GABRG1: variants seen among roughly 807,000 people sequenced by gnomAD.
GABRG1 encodes the protein gamma-aminobutyric acid receptor subunit gamma-1.
In GABRG1, 49 loss-of-function variants were observed where a neutral mutation model predicts 49.8. The observed-to-expected ratio is 0.98, with a 90% CI of 0.78 to 1.25. The LOEUF is 1.25. GABRG1 is among the 50% of genes most tolerant of loss of function. GABRG1 has a pLI of 0.00. For synonymous variants in GABRG1, 232 were observed against 185.1 expected (o/e 1.25, Z -2.06); for missense variants, 552 against 552.3 (o/e 1.00, Z 0.01).
At chr4:46,122,629 C>G (rs1479612644) in intron 1 of GABRG1, among the ~76,000 whole-genome samples, 1 of 152,022 alleles carries the variant, frequency 6.6e-6, no homozygotes, top group Non-Finnish European at 1.5e-5. Context: ...TTAATCCAAT[C>G]TCTATTTTCT....
intron 5 of GABRG1, among the ~76,000 whole-genome samples, chr4:46,061,574 T>TA (rs1718675726): frequency 6.6e-6 from 1 of 152,018 alleles, no homozygotes; most frequent in Non-Finnish European, 1.5e-5. Flanking sequence ...AATACTTTTA[T>TA]AAAAATACAT....
At chr4:46,076,218 GTGTT>G (rs1383247039) in intron 3 of GABRG1, among the ~76,000 whole-genome samples, 1 of 151,366 alleles carries the variant, frequency 6.6e-6, no homozygotes, top group Non-Finnish European at 1.5e-5. Context: ...GAAAATATGT[GTGTT>G]TGTGCGTGTA....
chr4:46,052,682 T>C (rs963586279), intron 7 of GABRG1, among the ~76,000 whole-genome samples: 8 of 152,060 alleles, frequency 5.3e-5, no homozygotes, highest in Admixed American at 2.0e-4. Context: ...CCAGTAAATA[T>C]GGCCCCATGA....
At chr4:46,052,661 C>T (rs1352863701) in intron 7 of GABRG1, among the ~76,000 whole-genome samples, 1 of 151,896 alleles carries the variant, frequency 6.6e-6, no homozygotes, top group Non-Finnish European at 1.5e-5. Context: ...TCATAATCCT[C>T]ATTCGTTTTC....
At position 46,040,918 on chromosome 4, in the gene GABRG1, G is replaced by A; in HGVS notation, c.*70C>T. On this transcript the variant is annotated 3_prime_UTR_variant, in exon 9 of 9. Coordinates refer to ENST00000295452, the MANE Select transcript of GABRG1 (RefSeq NM_173536.4). ...TCTGCATTTTAAATTTAAACTTCAA[G>A]TTACTGAAGCACAAAAGATTCTACT... 2 of 1,441,202 alleles carry A rather than the reference G, an allele frequency of 1.4e-6. No homozygotes were observed. Among genetic ancestry groups the A allele is most frequent in the East Asian group, 2.3e-5 (1 of 43,858 alleles). The allele number at this position is 1,441,202 out of a possible 1,614,324, so 89.3% of individuals were successfully genotyped here.
chr4:46,048,534 A>C (rs1296383818), intron 8 of GABRG1, among the ~76,000 whole-genome samples: 4 of 151,408 alleles, frequency 2.6e-5, no homozygotes, highest in Non-Finnish European at 5.9e-5. Flanking sequence ...ATCTATTGAA[A>C]ATATCCCACC....
chr4:46,110,350 C>A (rs936944198), intron 1 of GABRG1, among the ~76,000 whole-genome samples: 1 of 150,974 alleles, frequency 6.6e-6, no homozygotes, highest in Non-Finnish European at 1.5e-5. Flanking sequence ...TTTTTGCTTT[C>A]TGTTTGCCCA....
At chr4:46,105,767 T>C (rs1054111244) in intron 1 of GABRG1, among the ~76,000 whole-genome samples, 2 of 141,066 alleles carry the variant, frequency 1.4e-5, no homozygotes, top group African/African-American at 5.5e-5. Flanking sequence ...GTTAGATAGA[T>C]AGATGGATGG....
chr4:46,092,519 GAA>G (rs1398429109), intron 2 of GABRG1, among the ~76,000 whole-genome samples: 1 of 151,774 alleles, frequency 6.6e-6, no homozygotes, highest in Non-Finnish European at 1.5e-5. Context: ...AAAGAATAGA[GAA>G]AAATATAAGC....
chr4:46,047,802 G>T (rs2109394769), intron 8 of GABRG1, among the ~76,000 whole-genome samples: 1 of 151,794 alleles, frequency 6.6e-6, no homozygotes, highest in South Asian at 2.1e-4. Context: ...CTTTATCTTG[G>T]ACTATTATTT....
intron 1 of GABRG1, among the ~76,000 whole-genome samples, chr4:46,097,670 T>A (rs1720225725): frequency 6.6e-6 from 1 of 151,558 alleles, no homozygotes; most frequent in Non-Finnish European, 1.5e-5. Context: ...TTGTATAACA[T>A]AAAATCTGTG....
chr4:46,116,250 A>G (rs1720882639), intron 1 of GABRG1, among the ~76,000 whole-genome samples: 1 of 150,826 alleles, frequency 6.6e-6, no homozygotes, highest in South Asian at 2.1e-4. Flanking sequence ...TTTTTGGAGT[A>G]AGAGAAAGAA....
intron 8 of GABRG1, among the ~76,000 whole-genome samples, chr4:46,048,024 C>T (rs1718069392): frequency 6.6e-6 from 1 of 152,016 alleles, no homozygotes; most frequent in South Asian, 2.1e-4. Flanking sequence ...TAGCAGGCCC[C>T]TGAAGTAGGT....
chr4:46,110,350 C>T (rs936944198), intron 1 of GABRG1, among the ~76,000 whole-genome samples: 1 of 150,970 alleles, frequency 6.6e-6, no homozygotes, highest in South Asian at 2.1e-4. Context: ...TTTTTGCTTT[C>T]TGTTTGCCCA....
chr4:46,056,137 ATAAATAAATAAATT>A (rs1354444103), intron 7 of GABRG1, among the ~76,000 whole-genome samples: 132 of 22,284 alleles, frequency 5.9e-3, no homozygotes, highest in African/African-American at 0.02. Context: ...AAAAAAAAAA[ATAAATAAATAAATT>A]AAAAAAAAAA....
At chr4:46,041,707 CA>C (rs1053538584) in intron 8 of GABRG1, among the ~76,000 whole-genome samples, 20 of 151,718 alleles carry the variant, frequency 1.3e-4, no homozygotes, top group Non-Finnish European at 2.2e-4. Context: ...TATGAATTGA[CA>C]AAAAAAGTTA....
chr4:46,075,175 G>A (rs932141040), intron 3 of GABRG1, among the ~76,000 whole-genome samples: 27 of 151,960 alleles, frequency 1.8e-4, no homozygotes, highest in South Asian at 4.2e-4. Context: ...CTTTCAGTCC[G>A]TAAGTACCAT....
chr4:46,063,490 A>G (rs1418350118), intron 5 of GABRG1, among the ~76,000 whole-genome samples: 1 of 152,184 alleles, frequency 6.6e-6, no homozygotes, highest in Non-Finnish European at 1.5e-5. Context: ...CCATATGTAG[A>G]AAGGTGAAAC....
intron 8 of GABRG1, among the ~76,000 whole-genome samples, 167 bp from the exon 9 acceptor site, chr4:46,041,421 T>C (rs543004876): frequency 2.6e-5 from 4 of 151,974 alleles, no homozygotes; most frequent in Non-Finnish European, 5.9e-5. Flanking sequence ...ATAATTTGCT[T>C]TGTAATAGAA....
Sources: allele counts gnomAD v4.1 joint callset (sites outside exome capture counted in the v4.1 genomes callset), GRCh38; gene constraint gnomAD v4.1.1; transcripts MANE v1.5; gene names NCBI Gene and HGNC (gene_info 2026-07-23, HGNC 2026-07-21).